CDH8: variants seen among roughly 807,000 people sequenced by gnomAD.
The protein encoded by CDH8 is cadherin-8.
In CDH8, 17 loss-of-function variants were observed where a neutral mutation model predicts 68.1. The ratio of observed to expected loss-of-function variants is 0.25; its 90% CI spans 0.17 to 0.37. The LOEUF (loss-of-function observed/expected upper bound fraction) is 0.37. Among genes scored for constraint, CDH8 ranks in the 10% least tolerant of loss-of-function variants. The pLI is 1.00. For synonymous variants in CDH8, 372 were observed against 365.1 expected, an observed-to-expected ratio of 1.02 and a Z score of -0.21; for missense variants, 763 against 999.3, an observed-to-expected ratio of 0.76 and a Z score of 3.19.
intron 4 of CDH8, among the ~76,000 whole-genome samples, chr16:61,840,219 G>A (rs146629946): frequency 2.0e-5 from 3 of 152,266 alleles, no homozygotes; most frequent in East Asian, 1.9e-4. Context: ...TTCATAGACA[G>A]TGTGACTATC....
At chr16:61,923,195 C>T (rs1348827591) in intron 2 of CDH8, among the ~76,000 whole-genome samples, 1 of 152,160 alleles carries the variant, frequency 6.6e-6, no homozygotes, top group Non-Finnish European at 1.5e-5. Flanking sequence ...TTTCCCACAA[C>T]CCTGGGGAAT....
chr16:61,876,169 C>A (rs1379236201), intron 3 of CDH8, among the ~76,000 whole-genome samples: 1 of 152,078 alleles, frequency 6.6e-6, no homozygotes. Flanking sequence ...GCCACTGTGC[C>A]CGGCCAGGTT....
intron 5 of CDH8, among the ~76,000 whole-genome samples, chr16:61,823,352 G>A (rs1254306227): frequency 6.6e-6 from 1 of 151,620 alleles, no homozygotes; most frequent in Non-Finnish European, 1.5e-5. Context: ...TTCCTATGGT[G>A]TTTTCTATAC....
At chr16:61,871,137 CACACACACACATACACACACAT>C (rs1432287319) in intron 3 of CDH8, among the ~76,000 whole-genome samples, 1 of 151,926 alleles carries the variant, frequency 6.6e-6, no homozygotes, top group Non-Finnish European at 1.5e-5. Context: ...AAAACACACA[CACACACACACATACACACACAT>C]ACACACACAC....
chr16:61,993,442 C>T (rs1436127025), intron 2 of CDH8, among the ~76,000 whole-genome samples: 1 of 151,988 alleles, frequency 6.6e-6, no homozygotes, highest in African/African-American at 2.4e-5. Context: ...GCTTCAGCCT[C>T]TTGAGTAGCT....
At chr16:61,877,252 T>C (rs1597035558) in intron 3 of CDH8, among the ~76,000 whole-genome samples, 1 of 151,936 alleles carries the variant, frequency 6.6e-6, no homozygotes, top group Admixed American at 6.6e-5. Flanking sequence ...CTGTATATTA[T>C]ACTTGGAACT....
chr16:61,778,964 T>G (rs1357110984), intron 8 of CDH8, among the ~76,000 whole-genome samples: 2 of 152,222 alleles, frequency 1.3e-5, no homozygotes, highest in Non-Finnish European at 2.9e-5. Context: ...CCTGGGAGAT[T>G]TAGCCATCAT....
At chr16:61,726,022 G>C (rs753326162) in intron 9 of CDH8, 2 of 150,394 alleles carry the variant, frequency 1.3e-5, no homozygotes, top group Non-Finnish European at 3.0e-5. Context: ...GTAACAAATT[G>C]ATCATTTATA....
intron 2 of CDH8, among the ~76,000 whole-genome samples, chr16:62,019,456 C>T (rs1199398953): frequency 6.6e-6 from 1 of 152,146 alleles, no homozygotes. Context: ...TAAAGAAGCT[C>T]ATATCCAAAA....
intron 1 of CDH8, among the ~76,000 whole-genome samples, chr16:62,027,055 G>A (rs1902213570): frequency 6.6e-6 from 1 of 152,194 alleles, no homozygotes. Context: ...ACCACAGTAT[G>A]TGTGTCTGAC....
chr16:62,006,688 T>A (rs1297274989), intron 2 of CDH8, among the ~76,000 whole-genome samples: 1 of 152,162 alleles, frequency 6.6e-6, no homozygotes, highest in African/African-American at 2.4e-5. Context: ...TAAGTACCCA[T>A]AAAAGTTAAA....
chr16:61,917,655 A>G (rs1014907983), intron 2 of CDH8, among the ~76,000 whole-genome samples: 14 of 152,198 alleles, frequency 9.2e-5, no homozygotes, highest in African/African-American at 3.1e-4. Flanking sequence ...CTTGTTATGT[A>G]TGTGAACATT....
intron 7 of CDH8, among the ~76,000 whole-genome samples, chr16:61,791,481 A>T (rs960980993): frequency 6.6e-6 from 1 of 152,080 alleles, no homozygotes; most frequent in Admixed American, 6.6e-5. Context: ...AAGCTAAAAA[A>T]TGTCCAGAGG....
intron 10 of CDH8, among the ~76,000 whole-genome samples, chr16:61,707,586 A>G (rs1288214334): frequency 6.6e-6 from 1 of 152,040 alleles, no homozygotes; most frequent in Non-Finnish European, 1.5e-5. Flanking sequence ...CTACTTCTTC[A>G]ATAAACTGAG....
At chr16:61,795,660 C>T (rs1290746243) in intron 7 of CDH8, among the ~76,000 whole-genome samples, 4 of 151,950 alleles carry the variant, frequency 2.6e-5, no homozygotes, top group Admixed American at 6.6e-5. Flanking sequence ...TATCCAAAAA[C>T]GAAAAGAAAT....
chr16:61,798,800 T>A (rs1012292768), intron 7 of CDH8, among the ~76,000 whole-genome samples: 7 of 152,232 alleles, frequency 4.6e-5, no homozygotes, highest in Non-Finnish European at 8.8e-5. Context: ...GTTTGTAACA[T>A]GTTCAATTAC....
intron 8 of CDH8, among the ~76,000 whole-genome samples, chr16:61,768,314 T>TCTCTCTC (rs1960651975): frequency 1.7e-4 from 3 of 17,186 alleles, no homozygotes; most frequent in Admixed American, 8.5e-4. Flanking sequence ...GTCTCTCCCT[T>TCTCTCTC]TCTCTCTCTC....
intron 4 of CDH8, among the ~76,000 whole-genome samples, chr16:61,826,166 T>C (rs1962330158): frequency 6.6e-6 from 1 of 151,908 alleles, no homozygotes; most frequent in Non-Finnish European, 1.5e-5. Flanking sequence ...GGCAGCATTC[T>C]GAGACTTTCT....
chr16:62,005,374 T>C (rs4238744), intron 2 of CDH8, among the ~76,000 whole-genome samples: 86,754 of 151,958 alleles, frequency 0.57, 25,078 homozygotes, highest in East Asian at 0.78. Flanking sequence ...TGTTAAAGAG[T>C]ACCATCTTAG....
Sources: allele counts gnomAD v4.1 joint callset (sites outside exome capture counted in the v4.1 genomes callset), GRCh38; gene constraint gnomAD v4.1.1; transcripts MANE v1.5; gene names NCBI Gene and HGNC (gene_info 2026-07-23, HGNC 2026-07-21).